Variants in ADGRV1 observed in about 807,000 individuals in gnomAD.
ADGRV1 encodes G-protein coupled receptor 98.
In ADGRV1, 359 loss-of-function variants were observed where a neutral mutation model predicts 596.2. That is an observed-to-expected ratio of 0.60 (90% CI 0.55 to 0.66). The LOEUF is 0.66. Among genes scored for constraint, ADGRV1 ranks in the 30% least tolerant of loss-of-function variants. ADGRV1 has a pLI of 0.00. For missense variants in ADGRV1, 7,274 were observed against 7,575.6 expected (o/e 0.96, Z 1.48); for synonymous variants, 2,681 against 2,679.2 (o/e 1.00, Z -0.02).
chr5:90,646,170 A>T, intron 16 of ADGRV1, 79 bp downstream of exon 16: 1 of 929,752 alleles, frequency 1.1e-6, no homozygotes, highest in Non-Finnish European at 1.5e-6. Flanking sequence ...ACGTGCATAT[A>T]TACATTTATA....
chr5:91,135,125 A>C (rs1413840498), intron 87 of ADGRV1, among the ~76,000 whole-genome samples: 1 of 150,642 alleles, frequency 6.6e-6, no homozygotes, highest in Admixed American at 6.6e-5. Context: ...GTTGCAGTGA[A>C]CCAAGATCGT....
intron 59 of ADGRV1, among the ~76,000 whole-genome samples, chr5:90,770,802 C>T (rs899745091): frequency 1.3e-5 from 2 of 152,126 alleles, no homozygotes; most frequent in Non-Finnish European, 2.9e-5. Context: ...ATTCCTACTT[C>T]CCAGAGGTAA....
rs542196589 is a variant in ADGRV1 at position 90,610,237 on chromosome 5, T to C, written c.23-4598T>C. 5.3e-5 allele frequency among the ~76,000 whole-genome samples: 8 copies of C among 152,166 alleles called. No homozygotes were observed. In the East Asian group the frequency reaches 1.4e-3, roughly 26 times the overall value. ...AATGACACGTTGTTGATGAATTTTA[T>C]AATATTTGATGCTCTTATGGGCTAC... On this transcript the variant is annotated intron_variant, in intron 1 of 89. Transcript: ENST00000405460.
intron 83 of ADGRV1, among the ~76,000 whole-genome samples, chr5:90,874,539 T>C (rs1204288011): frequency 6.6e-6 from 1 of 151,898 alleles, no homozygotes; most frequent in Non-Finnish European, 1.5e-5. Context: ...ATAAAAAGCT[T>C]TTTGGCTCAT....
rs776064716 is a variant in ADGRV1, at chr5:90,778,979, C to G, written c.12964C>G (p.Leu4322Val). The change falls in exon 64 of 90, where the codon CTC (leucine) becomes GTC (valine). Residue 4322 changes from leucine to valine, a missense_variant. Physicochemically the swap from Leu to Val is conservative, Grantham distance 32. This residue lies in a region of ADGRV1 where 3,643 missense variants were observed against 3,809.2 expected (regional missense o/e 0.96). Coordinates refer to ENST00000405460, the MANE Select transcript of ADGRV1 (RefSeq NM_032119.4). Reference sequence around the variant, plus strand: ...GGATTTTGTTCCTGCAGCAGGGGAGCTCCTCTTTGAAGCAGGGGAGATGAG... The same window carrying G: ...GGATTTTGTTCCTGCAGCAGGGGAGGTCCTCTTTGAAGCAGGGGAGATGAG... The part of the protein sequence containing the change: ...GLDFVPAAGE[L>V]LFEAGEMRKS... 1 of 1,613,420 alleles carries G rather than the reference C, an allele frequency of 6.2e-7. No individual in the cohort carries two copies. Among genetic ancestry groups the G allele is most frequent in the East Asian group, 2.2e-5 (1 of 44,868 alleles).
intron 87 of ADGRV1, among the ~76,000 whole-genome samples, chr5:91,103,745 G>A (rs1452903721): frequency 6.6e-6 from 1 of 152,068 alleles, no homozygotes; most frequent in African/African-American, 2.4e-5. Context: ...GAGCAGACCT[G>A]ATATACTTCA....
At chr5:90,733,965 T>C (rs1752886700) in intron 50 of ADGRV1, among the ~76,000 whole-genome samples, 1 of 152,164 alleles carries the variant, frequency 6.6e-6, no homozygotes, top group South Asian at 2.1e-4. Flanking sequence ...TGTTGTACCC[T>C]TTGCTATGAA....
In ADGRV1 at chr5:90,753,469, C is replaced by G. The variant is rs570373441; in HGVS notation, c.11122-105C>G. On this transcript the variant is annotated intron_variant, in intron 53 of 89. Coordinates refer to ENST00000405460, the MANE Select transcript of ADGRV1 (RefSeq NM_032119.4). ...TATTATGTTGCTTAAATATCTCTTG[C>G]TATTTAAGTTATAGGTTTAATAAAA... 342 of 724,308 alleles carry G rather than the reference C, an allele frequency of 4.7e-4. 2 individuals are homozygous for G. The highest frequency in any genetic ancestry group is 7.2e-4 in the Non-Finnish European group (322 of 449,468). The allele number at this position is 724,308 out of a possible 1,614,324, so 44.9% of individuals were successfully genotyped here.
At chr5:91,137,640 T>C (rs1272296572) in intron 87 of ADGRV1, among the ~76,000 whole-genome samples, 1 of 152,252 alleles carries the variant, frequency 6.6e-6, no homozygotes, top group Non-Finnish European at 1.5e-5. Context: ...TCCCTAAATT[T>C]AGGCAAAGCC....
chr5:90,876,068 T>C (rs1769190557), intron 83 of ADGRV1, among the ~76,000 whole-genome samples: 1 of 152,192 alleles, frequency 6.6e-6, no homozygotes, highest in African/African-American at 2.4e-5. Flanking sequence ...TAGGTCATGT[T>C]TATAATTGTG....
intron 21 of ADGRV1, among the ~76,000 whole-genome samples, chr5:90,664,177 G>C (rs1234627152): frequency 6.7e-6 from 1 of 148,416 alleles, no homozygotes; most frequent in Non-Finnish European, 1.5e-5. Context: ...GATGGGGATG[G>C]CATTGAATCT....
At chr5:90,628,004 T>C (rs1474132865) in intron 7 of ADGRV1, 3 of 336,984 alleles carry the variant, frequency 8.9e-6, no homozygotes, top group Non-Finnish European at 1.6e-5. Flanking sequence ...CTGTTTTCTT[T>C]CTTATTTGGA....
At chr5:91,119,404 A>G (rs1199782268) in intron 87 of ADGRV1, among the ~76,000 whole-genome samples, 1 of 152,186 alleles carries the variant, frequency 6.6e-6, no homozygotes, top group East Asian at 1.9e-4. Flanking sequence ...TGTGCAGTCC[A>G]CGGGAGTCTT....
chr5:90,667,987 A>G (rs375752575), intron 21 of ADGRV1, among the ~76,000 whole-genome samples: 6,027 of 151,394 alleles, frequency 0.04, 329 homozygotes, highest in African/African-American at 0.13. Context: ...CCAGCTGCGT[A>G]CTGGGAGAAC....
intron 83 of ADGRV1, among the ~76,000 whole-genome samples, chr5:90,871,114 T>C (rs1195844355): frequency 6.6e-6 from 1 of 152,132 alleles, no homozygotes; most frequent in African/African-American, 2.4e-5. Context: ...ATGAAACAAA[T>C]TTATAATTAG....
At chr5:90,855,133 G>A (rs1766902764) in intron 81 of ADGRV1, among the ~76,000 whole-genome samples, 1 of 152,168 alleles carries the variant, frequency 6.6e-6, no homozygotes, top group South Asian at 2.1e-4. Flanking sequence ...CACTGAGGAA[G>A]GCTCAGAAGG....
chr5:91,021,322 T>C (rs765407463), intron 85 of ADGRV1, among the ~76,000 whole-genome samples: 1 of 152,108 alleles, frequency 6.6e-6, no homozygotes, highest in Non-Finnish European at 1.5e-5. Context: ...TTGAATTCTA[T>C]ACGGGGCCTA....
chr5:90,678,802 C>G (rs1744571145), intron 25 of ADGRV1, among the ~76,000 whole-genome samples: 1 of 151,770 alleles, frequency 6.6e-6, no homozygotes. Flanking sequence ...TCACCCCTTA[C>G]AGGTCCCAAT....
chr5:91,129,760 A>C (rs1972327), intron 87 of ADGRV1, among the ~76,000 whole-genome samples: 151,564 of 152,258 alleles, frequency 1, 75,481 homozygotes, highest in Middle Eastern at 1. Flanking sequence ...GAAATACTTT[A>C]TTTGACATGA....
Sources: allele counts gnomAD v4.1 joint callset (sites outside exome capture counted in the v4.1 genomes callset), GRCh38; gene constraint gnomAD v4.1.1; regional missense constraint gnomAD v4.1.1; transcripts MANE v1.5; gene names NCBI Gene and HGNC (gene_info 2026-07-23, HGNC 2026-07-21).